Variants in AGBL1 observed in about 807,000 individuals in gnomAD.
AGBL1 encodes cytosolic carboxypeptidase 4.
Under a neutral mutation model 118.9 loss-of-function variants are expected in AGBL1, and 130 were observed. The observed-to-expected ratio is 1.09, with a 90% CI of 0.95 to 1.26. AGBL1 has a LOEUF of 1.26. Ranked by LOEUF, AGBL1 falls within the 50% of genes most tolerant of loss-of-function variation. The pLI is 0.00. For synonymous variants in AGBL1, 555 were observed against 478.9 expected, an observed-to-expected ratio of 1.16 and a Z score of -2.08; for missense variants, 1,584 against 1,298.1, an observed-to-expected ratio of 1.22 and a Z score of -3.38.
chr15:86,567,335 T>A (rs188997506), intron 21 of AGBL1, among the ~76,000 whole-genome samples: 23 of 152,310 alleles, frequency 1.5e-4, no homozygotes, highest in Admixed American at 4.6e-4. Flanking sequence ...ATATGTATCA[T>A]TTAGACATTT....
intron 18 of AGBL1, among the ~76,000 whole-genome samples, chr15:86,458,006 G>C (rs934467529): frequency 1.3e-5 from 2 of 152,038 alleles, no homozygotes; most frequent in Non-Finnish European, 2.9e-5. Context: ...AGACAATGCA[G>C]GTTTAATAGG....
intron 24 of AGBL1, among the ~76,000 whole-genome samples, chr15:87,019,538 A>T (rs546192962): frequency 1.3e-5 from 2 of 152,128 alleles, no homozygotes; most frequent in African/African-American, 4.8e-5. Context: ...TAAACAATCA[A>T]CTTAAGGCAG....
intron 17 of AGBL1, among the ~76,000 whole-genome samples, chr15:86,381,345 A>T (rs2081110979): frequency 1.3e-5 from 2 of 152,080 alleles, no homozygotes. Context: ...ATAATATTCT[A>T]TTTTTTGGAC....
chr15:86,760,135 T>C (rs2078003178), intron 22 of AGBL1, among the ~76,000 whole-genome samples: 1 of 152,116 alleles, frequency 6.6e-6, no homozygotes, highest in African/African-American at 2.4e-5. Context: ...CTAGTTTGTC[T>C]TTTTAGTATT....
intron 5 of AGBL1, among the ~76,000 whole-genome samples, chr15:86,221,323 T>A (rs2078277495): frequency 6.6e-6 from 1 of 152,220 alleles, no homozygotes. Flanking sequence ...AGGCACTGAC[T>A]GTGGGCCCCC....
chr15:86,480,797 A>G (rs1451354988), intron 18 of AGBL1, among the ~76,000 whole-genome samples: 2 of 152,030 alleles, frequency 1.3e-5, no homozygotes, highest in Non-Finnish European at 2.9e-5. Flanking sequence ...GATGGAGATT[A>G]TAAGGCCATA....
At chr15:86,227,087 A>AT (rs1283959676) in intron 6 of AGBL1, among the ~76,000 whole-genome samples, 1 of 152,112 alleles carries the variant, frequency 6.6e-6, no homozygotes, top group East Asian at 1.9e-4. Context: ...ATGATTTGTG[A>AT]TTTTTCCCAT....
chr15:86,843,542 T>C (rs931646603), intron 22 of AGBL1, among the ~76,000 whole-genome samples: 1 of 152,114 alleles, frequency 6.6e-6, no homozygotes, highest in Non-Finnish European at 1.5e-5. Flanking sequence ...TGTTTGGTCC[T>C]TTTTATGAAG....
intron 21 of AGBL1, among the ~76,000 whole-genome samples, chr15:86,667,578 TTTTC>T (rs2085669677): frequency 6.6e-6 from 1 of 152,122 alleles, no homozygotes; most frequent in African/African-American, 2.4e-5. Context: ...CTTGATCCTT[TTTTC>T]TTTATTTTCT....
chr15:86,492,955 G>GC (rs1179516838), intron 18 of AGBL1, among the ~76,000 whole-genome samples: 1 of 152,086 alleles, frequency 6.6e-6, no homozygotes, highest in Non-Finnish European at 1.5e-5. Flanking sequence ...TTGGGAGACT[G>GC]AGGTGGGCAG....
intron 16 of AGBL1, among the ~76,000 whole-genome samples, chr15:86,289,111 C>CA (rs552427605): frequency 1.3e-3 from 205 of 152,232 alleles, no homozygotes; most frequent in African/African-American, 4.6e-3. Context: ...TTCTCATACA[C>CA]ATTTTTTTTC....
intron 22 of AGBL1, among the ~76,000 whole-genome samples, chr15:86,807,379 T>C (rs545308918): frequency 7.9e-5 from 12 of 152,188 alleles, no homozygotes; most frequent in South Asian, 2.1e-4. Flanking sequence ...GTTGGAAGCA[T>C]TGAGCACCAA....
intron 17 of AGBL1, chr15:86,316,809 T>G (rs1037863651): frequency 1.3e-5 from 2 of 152,328 alleles, no homozygotes; most frequent in African/African-American, 2.4e-5. Context: ...TTTGGCCAAG[T>G]CACTGTGTGT....
At chr15:86,813,426 C>G (rs78998584) in intron 22 of AGBL1, among the ~76,000 whole-genome samples, 1,794 of 152,308 alleles carry the variant, frequency 0.012, 25 homozygotes, top group Middle Eastern at 0.061. Context: ...AAAAGTGCCT[C>G]TATCACATTC....
At chr15:86,107,699 C>T (rs530028487) in intron 1 of AGBL1, 7 of 152,196 alleles carry the variant, frequency 4.6e-5, no homozygotes, top group African/African-American at 1.4e-4. Context: ...TTTGTACTCA[C>T]ATTTAACAGT....
chr15:86,492,970 C>T (rs547335444), intron 18 of AGBL1, among the ~76,000 whole-genome samples: 4 of 152,172 alleles, frequency 2.6e-5, no homozygotes, highest in Non-Finnish European at 4.4e-5. Context: ...GGGCAGATCA[C>T]GAGGTCAAGA....
chr15:86,166,692 G>A (rs2077347078), intron 5 of AGBL1, among the ~76,000 whole-genome samples: 1 of 152,156 alleles, frequency 6.6e-6, no homozygotes, highest in African/African-American at 2.4e-5. Flanking sequence ...AGGTGTGTTG[G>A]ACTGGTGAGC....
chr15:86,684,463 C>CTTTTTTTTTTTTTTTTTTTTTTTTTT (rs11436174), intron 22 of AGBL1, among the ~76,000 whole-genome samples: 1 of 145,998 alleles, frequency 6.8e-6, no homozygotes, highest in African/African-American at 2.5e-5. Flanking sequence ...ATAGTTCTCT[C>CTTTTTTTTTTTTTTTTTTTTTTTTTT]TTTTTTTTTT....
intron 17 of AGBL1, among the ~76,000 whole-genome samples, chr15:86,387,699 C>T (rs1474661337): frequency 1.3e-5 from 2 of 152,186 alleles, no homozygotes; most frequent in Admixed American, 1.3e-4. Flanking sequence ...CAAAACTTAT[C>T]AGCTACAAAG....
Sources: allele counts gnomAD v4.1 joint callset (sites outside exome capture counted in the v4.1 genomes callset), GRCh38; gene constraint gnomAD v4.1.1; transcripts MANE v1.5; gene names NCBI Gene and HGNC (gene_info 2026-07-23, HGNC 2026-07-21).